Variants in KDM5A observed in about 807,000 individuals in gnomAD.
KDM5A encodes the protein lysine-specific demethylase 5A.
KDM5A carries 42 observed loss-of-function variants against 193.5 expected under a neutral mutation model. The ratio of observed to expected loss-of-function variants is 0.22; its 90% CI spans 0.17 to 0.28. The LOEUF is 0.28. Among genes scored for constraint, KDM5A ranks in the 10% least tolerant of loss-of-function variants. The pLI is 1.00. For synonymous variants in KDM5A, 796 were observed against 718.1 expected, an observed-to-expected ratio of 1.11 and a Z score of -1.73; for missense variants, 1,692 against 2,055.1, an observed-to-expected ratio of 0.82 and a Z score of 3.42.
At chr12:375,903 CG>C (rs1430696881) in intron 3 of KDM5A, among the ~76,000 whole-genome samples, 1 of 152,174 alleles carries the variant, frequency 6.6e-6, no homozygotes, top group African/African-American at 2.4e-5. Flanking sequence ...CGAATGTTGC[CG>C]AACAGCAAAT....
rs774469305 is a variant in KDM5A, at chr12:331,951, TG to T, written c.1654-14del. ...TGGTCCTGTACACCTAAATGCAAATTGGGAACAGGGATACAAAAATAAAAAA... is the reference window on the plus strand; with the variant it reads ...TGGTCCTGTACACCTAAATGCAAATTGGAACAGGGATACAAAAATAAAAAA... On this transcript the variant is annotated splice_polypyrimidine_tract_variant and intron_variant, in intron 12 of 27. Transcript: ENST00000399788. 4 of 1,612,882 alleles carry T rather than the reference TG, an allele frequency of 2.5e-6. No individual in the cohort carries two copies. The highest frequency in any genetic ancestry group is 1.1e-5 in the South Asian group (1 of 91,044).
intron 13 of KDM5A, among the ~76,000 whole-genome samples, chr12:329,387 G>T (rs1030987631): frequency 6.6e-6 from 1 of 151,378 alleles, no homozygotes; most frequent in Non-Finnish European, 1.5e-5. Flanking sequence ...GAAAAATATT[G>T]TAAAAATAAA....
At chr12:335,360 A>C (rs1943915742) in intron 10 of KDM5A, among the ~76,000 whole-genome samples, 1 of 152,234 alleles carries the variant, frequency 6.6e-6, no homozygotes, top group African/African-American at 2.4e-5. Flanking sequence ...AGGATCCACT[A>C]AGTCAAACTA....
At chr12:342,727 G>A (rs1944021666) in intron 10 of KDM5A, among the ~76,000 whole-genome samples, 1 of 151,198 alleles carries the variant, frequency 6.6e-6, no homozygotes, top group African/African-American at 2.4e-5. Context: ...CTCCCAAAGG[G>A]CTCGAATTAC....
Position 295,786 on chromosome 12 carries a change from G to A in KDM5A, c.4242C>T (p.Ser1414=). 1 of 1,613,892 alleles carries A rather than the reference G, an allele frequency of 6.2e-7. No individual in the cohort carries two copies. The part of the protein sequence containing the change: ...SASKSCSQGS[S]TPRKQPRKSP... ...TCTTCCGAGGTTGTTTCCTTGGGGT[G>A]CTAGAACCTTTCCCAAAAAATACCA... is the stretch of plus-strand genomic sequence containing the variant. The change falls in exon 26 of 28, where the codon AGC becomes AGT. Residue 1414 remains serine, a synonymous_variant. Transcript: ENST00000399788.
chr12:283,005 A>G lies in KDM5A; in HGVS notation c.*2451T>C. On this transcript the variant is annotated 3_prime_UTR_variant, in exon 28 of 28. Transcript: ENST00000399788. ...CTCCATGACTGTCAAGTAAATACAG[A>G]AAATCCCACAGTATCAACGAAAAGA... The G allele has an allele frequency of 4.3e-6, 1 of 231,792 alleles. No homozygotes were observed. The highest frequency in any genetic ancestry group is 8.5e-6 in the Non-Finnish European group (1 of 117,098). The allele number at this position is 231,792 out of a possible 1,614,324, so 14.4% of individuals were successfully genotyped here.
At chr12:350,531 T>C in intron 10 of KDM5A, 90 bp downstream of exon 10, 1 of 1,245,382 alleles carries the variant, frequency 8.0e-7, no homozygotes, top group Non-Finnish European at 1.2e-6. Context: ...ACGTATTTAA[T>C]ATTTTAAGTT....
chr12:349,478 C>T (rs1257450041), intron 10 of KDM5A, among the ~76,000 whole-genome samples: 2 of 151,702 alleles, frequency 1.3e-5, no homozygotes, highest in Non-Finnish European at 2.9e-5. Context: ...TACAGGCGCC[C>T]ACCACCATAC....
chr12:288,715 G>A (rs185913026), intron 27 of KDM5A, among the ~76,000 whole-genome samples: 1 of 152,118 alleles, frequency 6.6e-6, no homozygotes, highest in Admixed American at 6.5e-5. Context: ...ATTTGAAAAA[G>A]GAAAACAATT....
chr12:285,693 G>A (rs1943212024), intron 27 of KDM5A, 31 bp from the exon 28 acceptor site: 1 of 1,589,032 alleles, frequency 6.3e-7, no homozygotes, highest in Non-Finnish European at 8.6e-7. Context: ...GAATGTTTAG[G>A]TTACATAAAC....
intron 26 of KDM5A, among the ~76,000 whole-genome samples, chr12:294,509 T>C (rs1943344553): frequency 6.6e-6 from 1 of 152,190 alleles, no homozygotes. Context: ...TGCTTCCTTA[T>C]CAGTAAAAGA....
intron 10 of KDM5A, among the ~76,000 whole-genome samples, chr12:346,335 C>G (rs1025574701): frequency 6.6e-6 from 1 of 152,138 alleles, no homozygotes; most frequent in Non-Finnish European, 1.5e-5. Context: ...ACCAGAGGTA[C>G]AAAGAGGAGC....
chr12:340,109 C>G (rs1006714241), intron 10 of KDM5A, among the ~76,000 whole-genome samples: 2 of 152,056 alleles, frequency 1.3e-5, no homozygotes, highest in African/African-American at 4.8e-5. Context: ...ACCTCCTAGA[C>G]TCAAAAGATC....
intron 3 of KDM5A, among the ~76,000 whole-genome samples, chr12:369,388 T>C (rs914126274): frequency 2.0e-5 from 3 of 152,140 alleles, no homozygotes; most frequent in African/African-American, 7.2e-5. Flanking sequence ...AAGATCTTTG[T>C]CACATTTTAT....
At chr12:378,630 A>G (rs934310519) in intron 3 of KDM5A, among the ~76,000 whole-genome samples, 1 of 152,232 alleles carries the variant, frequency 6.6e-6, no homozygotes, top group African/African-American at 2.4e-5. Flanking sequence ...AAGAAGGGCT[A>G]GACTGAATGC....
rs1269568704 is a variant in KDM5A, at chr12:307,408, T to G, written c.3930+46A>C. On this transcript the variant is annotated intron_variant, in intron 23 of 27. Transcript: ENST00000399788. The surrounding 1 kb of genome is among the most constrained non-coding windows in gnomAD (Gnocchi z 4.3). ...CAGACTCAATTTACTATTTATACACTGACATATCCCATGAAATAGAAAAAG... is the reference window on the plus strand; with the variant it reads ...CAGACTCAATTTACTATTTATACACGGACATATCCCATGAAATAGAAAAAG... 6.4e-7 allele frequency: 1 copy of G among 1,563,462 alleles called. No homozygotes were observed. The highest frequency in any genetic ancestry group is 1.4e-5 in the African/African-American group (1 of 73,852).
intron 10 of KDM5A, among the ~76,000 whole-genome samples, chr12:350,132 G>GAA: frequency 7.4e-6 from 1 of 135,954 alleles, no homozygotes; most frequent in East Asian, 2.2e-4. Flanking sequence ...CCTCTCAAAG[G>GAA]AAAAAAAAAA....
At chr12:386,071 G>A in intron 1 of KDM5A, 97 bp from the exon 2 acceptor site, 1 of 825,100 alleles carries the variant, frequency 1.2e-6, no homozygotes, top group Non-Finnish European at 2.1e-6. Context: ...AAATCATGGT[G>A]CTAATAGACT....
rs1943889290 is a variant in KDM5A at position 333,556 on chromosome 12, G to A, written c.1584C>T (p.Ser528=). The A allele has an allele frequency of 6.2e-7, 1 of 1,614,036 alleles. No homozygotes were observed. Among genetic ancestry groups the A allele is most frequent in the African/African-American group, 1.3e-5 (1 of 74,904 alleles). The stretch of plus-strand genomic sequence containing the variant: ...CTAACTGATGCAGAAGATCAGGCTG[G>A]GATTCAAATAACTCGGGGGCCAGCT... The part of the protein sequence containing the change: ...MRELAPELFE[S]QPDLLHQLVT... Residue 528 remains serine (S), a synonymous_variant, in exon 12 of 28, where the codon TCC becomes TCT. Transcript: ENST00000399788.
Sources: allele counts gnomAD v4.1 joint callset (sites outside exome capture counted in the v4.1 genomes callset), GRCh38; gene constraint gnomAD v4.1.1; non-coding constraint Gnocchi (gnomAD v3.1); transcripts MANE v1.5; gene names NCBI Gene and HGNC (gene_info 2026-07-23, HGNC 2026-07-21).